DEGS2: variants seen among roughly 807,000 people sequenced by gnomAD.
DEGS2 encodes the protein delta 4-desaturase, sphingolipid 2, also known as sphingolipid delta(4)-desaturase/C4-monooxygenase DES2.
A neutral mutation model predicts 23.8 loss-of-function variants in DEGS2; 19 were observed. The observed-to-expected ratio is 0.80, with a 90% CI of 0.56 to 1.17. DEGS2 has a LOEUF of 1.17. Ranked by LOEUF, DEGS2 falls within the 50% of genes most tolerant of loss-of-function variation. The pLI, the probability that DEGS2 is intolerant of heterozygous loss-of-function variation, is 0.00. For missense variants in DEGS2, 390 were observed against 459.5 expected, an observed-to-expected ratio of 0.85 and a Z score of 1.38; for synonymous variants, 218 against 213.7, an observed-to-expected ratio of 1.02 and a Z score of -0.18.
At chr14:100,147,545 C>T (rs1391739720) in intron 2 of DEGS2, among the ~76,000 whole-genome samples, 1 of 152,036 alleles carries the variant, frequency 6.6e-6, no homozygotes, top group African/African-American at 2.4e-5. Context: ...CCACCAACTT[C>T]CTCCAGGAAG....
chr14:100,159,629 T>TCTG lies in DEGS2; in HGVS notation c.-45_-43dup. ...CCGTTCGGAGCGCGGCCGGCTCGGCTCTGCTGCACCTGTCGCGGCGGCCGC... is the reference window on the plus strand; with the variant it reads ...CCGTTCGGAGCGCGGCCGGCTCGGCTCTGCTGCTGCACCTGTCGCGGCGGCCGC... On this transcript the variant is annotated 5_prime_UTR_variant, in exon 1 of 3. Coordinates refer to ENST00000305631, the MANE Select transcript of DEGS2 (RefSeq NM_206918.3). The TCTG allele has an allele frequency of 7.3e-7, 1 of 1,371,682 alleles. No individual in the cohort carries two copies. 85.0% of individuals were successfully genotyped at this position (1,371,682 alleles called of 1,614,324 possible).
At chr14:100,159,202 T>G (rs533995946) in intron 1 of DEGS2, among the ~76,000 whole-genome samples, 16 of 152,150 alleles carry the variant, frequency 1.1e-4, no homozygotes, top group African/African-American at 3.9e-4. Flanking sequence ...CGTCCCAGCA[T>G]CCCAGAGCCC....
chr14:100,151,558 C>T (rs367775328), intron 1 of DEGS2, among the ~76,000 whole-genome samples: 12 of 152,184 alleles, frequency 7.9e-5, no homozygotes, highest in African/African-American at 2.2e-4. Context: ...ACTCAGGGAG[C>T]CCGAGACACC....
At chr14:100,166,336 AGCCTGCCCGGGGCTGTGGGG>A in the DEGS2 span, among the ~76,000 whole-genome samples, 1 of 32,640 alleles carries the variant, frequency 3.1e-5, no homozygotes, top group Non-Finnish European at 8.2e-5. Context: ...GCTGTGGGGG[AGCCTGCCCGGGGCTGTGGGG>A]GGAGCCTGCC....
upstream of DEGS2, among the ~76,000 whole-genome samples, chr14:100,162,881 C>T (rs1889765793): frequency 6.6e-6 from 1 of 152,252 alleles, no homozygotes; most frequent in Admixed American, 6.5e-5. Context: ...TGCAAAAAGG[C>T]CTCCACTGCC....
the DEGS2 span, among the ~76,000 whole-genome samples, chr14:100,166,547 T>A: frequency 5.9e-5 from 9 of 152,030 alleles, no homozygotes; most frequent in Non-Finnish European, 1.5e-5. Context: ...CGCCAGTGGA[T>A]TCGGGAGCAT....
rs1207269326 is a variant in DEGS2 at position 100,144,935 on chromosome 14, G to A, written c.*1826C>T. 2 of 152,428 alleles carry A rather than the reference G, an allele frequency of 1.3e-5. No homozygotes were observed. The highest frequency in any genetic ancestry group is 4.8e-5 in the African/African-American group (2 of 41,594). The allele number at this position is 152,428 out of a possible 1,614,324, so 9.4% of individuals were successfully genotyped here. ...CTGCACGTTGTTGGGCTTCCCGGCA[G>A]CCCTAGCAACAGGAATATGACTGCT... On this transcript the variant is annotated 3_prime_UTR_variant, in exon 3 of 3. Coordinates refer to ENST00000305631, the MANE Select transcript of DEGS2 (RefSeq NM_206918.3).
chr14:100,152,722 T>C (rs942644296), intron 1 of DEGS2, among the ~76,000 whole-genome samples: 1 of 152,130 alleles, frequency 6.6e-6, no homozygotes, highest in African/African-American at 2.4e-5. Context: ...TACTGAGGGT[T>C]CCACCGTCGA....
chr14:100,152,067 C>A (rs754819941), intron 1 of DEGS2, among the ~76,000 whole-genome samples: 8 of 152,078 alleles, frequency 5.3e-5, no homozygotes, highest in Non-Finnish European at 1.0e-4. Context: ...CCAGGGGTCA[C>A]AGAGGTTCAG....
At chr14:100,149,840 C>T in intron 1 of DEGS2, 130 bp from the exon 2 acceptor site, 1 of 968,494 alleles carries the variant, frequency 1.0e-6, no homozygotes, top group Non-Finnish European at 1.5e-6. Flanking sequence ...TCCCTTTGCC[C>T]CTGCACACAG....
At chr14:100,160,500 G>T (rs987149809), upstream of DEGS2, among the ~76,000 whole-genome samples, 108 of 152,214 alleles carry the variant, frequency 7.1e-4, 13 homozygotes. Context: ...TCTAGTTTTG[G>T]GGAGGTAAGG....
chr14:100,146,650 G>A lies in DEGS2; in HGVS notation c.*111C>T. Reference sequence around the variant, plus strand: ...GTGGCTGCGCGGGACACTCCTCGGGGACAAGGGCAGCAGTCCAGAGCACAG... The same window carrying A: ...GTGGCTGCGCGGGACACTCCTCGGGAACAAGGGCAGCAGTCCAGAGCACAG... On this transcript the variant is annotated 3_prime_UTR_variant, in exon 3 of 3. Coordinates refer to ENST00000305631, the MANE Select transcript of DEGS2 (RefSeq NM_206918.3). 6.8e-7 allele frequency: 1 copy of A among 1,470,810 alleles called. No individual in the cohort carries two copies. The highest frequency in any genetic ancestry group is 9.1e-7 in the Non-Finnish European group (1 of 1,096,044). 91.1% of individuals were successfully genotyped at this position (1,470,810 alleles called of 1,614,324 possible).
In DEGS2 at chr14:100,156,328, G is replaced by T. The variant is rs931386739; in HGVS notation, c.82+3178C>A. On this transcript the variant is annotated intron_variant, in intron 1 of 2. Transcript: ENST00000305631. The stretch of plus-strand genomic sequence containing the variant: ...CAGTTACACAGAGCATTTCTCCAAG[G>T]CCTGGGAATAGCATAGGCATGGAGG... Among the ~76,000 whole-genome samples the T allele has an allele frequency of 2.0e-5, 3 of 152,210 alleles. No homozygotes were observed. The East Asian group carries it at 5.8e-4, about 29-fold the overall frequency.
chr14:100,163,166 G>A (rs987814641), upstream of DEGS2, among the ~76,000 whole-genome samples: 1 of 152,220 alleles, frequency 6.6e-6, no homozygotes, highest in Non-Finnish European at 1.5e-5. Flanking sequence ...CCCGAGCCGG[G>A]CGAGGTGGCT....
At position 100,145,677 on chromosome 14, in the gene DEGS2, G is replaced by A. The variant is rs1268180180; in HGVS notation, c.*1084C>T. ...CCGCTCCATCCCTCTCTGGCAGGGA[G>A]GGCCTCCTCGCTCAGGCACCCCTCC... On this transcript the variant is annotated 3_prime_UTR_variant, in exon 3 of 3. Coordinates refer to ENST00000305631, the MANE Select transcript of DEGS2 (RefSeq NM_206918.3). 1 of 142,354 alleles carries A rather than the reference G, an allele frequency of 7.0e-6. No individual in the cohort carries two copies. The highest frequency in any genetic ancestry group is 1.5e-5 in the Non-Finnish European group (1 of 66,180). 8.8% of individuals were successfully genotyped at this position (142,354 alleles called of 1,614,324 possible).
intron 1 of DEGS2, among the ~76,000 whole-genome samples, chr14:100,156,466 C>T (rs1889660178): frequency 6.6e-6 from 1 of 152,260 alleles, no homozygotes; most frequent in African/African-American, 2.4e-5. Flanking sequence ...AAGCACTTTA[C>T]ATATCACCTC....
At chr14:100,159,350 C>T (rs990954495) in intron 1 of DEGS2, among the ~76,000 whole-genome samples, 156 bp downstream of exon 1, 2 of 152,182 alleles carry the variant, frequency 1.3e-5, no homozygotes, top group African/African-American at 4.8e-5. Context: ...CTCGGGGAGC[C>T]GGCCGGGGAC....
At chr14:100,157,331 T>C (rs1889673928) in intron 1 of DEGS2, among the ~76,000 whole-genome samples, 1 of 152,234 alleles carries the variant, frequency 6.6e-6, no homozygotes, top group Admixed American at 6.5e-5. Context: ...ATGTGCCTCT[T>C]GCCTTTTCCA....
In DEGS2 at chr14:100,149,257, G is replaced by A. The variant is rs759892264; in HGVS notation, c.536C>T (p.Pro179Leu). Residue 179 changes from proline (P) to leucine (L), a missense_variant, in exon 2 of 3, where the codon CCC becomes CTC. Transcript: ENST00000305631. ...FYSLRPLCVH[P>L]KAVTRMEVLN... ...CACCTCCATGCGGGTCACGGCCTTG[G>A]GGTGGACGCAGAGCGGCCGTAGTGA... 1 of 1,612,898 alleles carries A rather than the reference G, an allele frequency of 6.2e-7. No individual in the cohort carries two copies. The highest frequency in any genetic ancestry group is 8.5e-7 in the Non-Finnish European group (1 of 1,179,930).
Sources: allele counts gnomAD v4.1 joint callset (sites outside exome capture counted in the v4.1 genomes callset), GRCh38; gene constraint gnomAD v4.1.1; transcripts MANE v1.5; gene names NCBI Gene and HGNC (gene_info 2026-07-23, HGNC 2026-07-21).